Variants in ARHGAP17 observed in about 807,000 individuals in gnomAD.
ARHGAP17 encodes the protein rho GTPase-activating protein 17.
Under a neutral mutation model 99.5 loss-of-function variants are expected in ARHGAP17, and 57 were observed. That is an observed-to-expected ratio of 0.57 (90% CI 0.46 to 0.71). The LOEUF is 0.71. Among genes scored for constraint, ARHGAP17 ranks in the 30% least tolerant of loss-of-function variants. The probability of loss-of-function intolerance (pLI) is 0.00; values close to 1 mark genes in which losing one functional copy is unlikely to be tolerated. For missense variants in ARHGAP17, 1,000 were observed against 1,122.4 expected, an observed-to-expected ratio of 0.89 and a Z score of 1.56; for synonymous variants, 417 against 429.6, an observed-to-expected ratio of 0.97 and a Z score of 0.36.
At chr16:24,981,645 G>A (rs1030991600) in intron 1 of ARHGAP17, among the ~76,000 whole-genome samples, 1 of 152,204 alleles carries the variant, frequency 6.6e-6, no homozygotes, top group African/African-American at 2.4e-5. Context: ...AGAGTAGGGA[G>A]TGAACCCACC....
intron 1 of ARHGAP17, among the ~76,000 whole-genome samples, chr16:25,014,237 C>T (rs1396483649): frequency 1.3e-5 from 2 of 152,192 alleles, no homozygotes; most frequent in African/African-American, 4.8e-5. Context: ...AAAAGAAGAG[C>T]TGTGAGAAAT....
rs151009254 is a variant in ARHGAP17 at position 24,958,280 on chromosome 16, C to T, written c.724+1391G>A. Among the ~76,000 whole-genome samples, 9 of 152,246 alleles carry T rather than the reference C, an allele frequency of 5.9e-5. No individual in the cohort carries two copies. In the East Asian group the frequency reaches 7.7e-4, roughly 13 times the overall value. On this transcript the variant is annotated intron_variant, in intron 9 of 19. Coordinates refer to ENST00000289968, the MANE Select transcript of ARHGAP17 (RefSeq NM_001006634.3). The stretch of plus-strand genomic sequence containing the variant: ...AAATGCGAAAAAAAATCCAATCTCT[C>T]GTTTTTCCTCTTGTTAATCAACTCT...
intron 6 of ARHGAP17, among the ~76,000 whole-genome samples, chr16:24,966,933 A>G (rs1034158848): frequency 6.6e-6 from 1 of 152,230 alleles, no homozygotes; most frequent in Non-Finnish European, 1.5e-5. Context: ...GGAATGTTAC[A>G]CTAACCTCTA....
intron 12 of ARHGAP17, among the ~76,000 whole-genome samples, chr16:24,951,375 G>T (rs1382967350): frequency 6.6e-6 from 1 of 152,184 alleles, no homozygotes; most frequent in Non-Finnish European, 1.5e-5. Context: ...AAGATTACAG[G>T]AGGTAATAGC....
At chr16:24,943,126 G>A (rs529361872) in intron 15 of ARHGAP17, among the ~76,000 whole-genome samples, 112 of 152,316 alleles carry the variant, frequency 7.4e-4, no homozygotes, top group African/African-American at 2.6e-3. Flanking sequence ...CCCAAAGGGG[G>A]CCATGGGAAC....
Position 24,919,892 on chromosome 16 carries a change from G to T in ARHGAP17, c.*238C>A. The stretch of plus-strand genomic sequence containing the variant: ...GTACTTCTTTGTTTTGGATTTTTTT[G>T]GCATGATTTCCTTCCCATGTAAAGA... On this transcript the variant is annotated 3_prime_UTR_variant, in exon 20 of 20. Coordinates refer to ENST00000289968, the MANE Select transcript of ARHGAP17 (RefSeq NM_001006634.3). 3 of 426,192 alleles carry T rather than the reference G, an allele frequency of 7.0e-6. No homozygotes were observed. Among genetic ancestry groups the T allele is most frequent in the South Asian group, 5.0e-5 (1 of 20,086 alleles). 26.4% of individuals were successfully genotyped at this position (426,192 alleles called of 1,614,324 possible).
intron 1 of ARHGAP17, among the ~76,000 whole-genome samples, chr16:24,980,966 G>T (rs961550524): frequency 6.6e-6 from 1 of 152,154 alleles, no homozygotes; most frequent in Non-Finnish European, 1.5e-5. Context: ...GATTCAACCT[G>T]AGAATCAGAA....
intron 14 of ARHGAP17, among the ~76,000 whole-genome samples, chr16:24,944,322 C>T (rs116882435): frequency 1.3e-5 from 2 of 151,826 alleles, no homozygotes; most frequent in South Asian, 2.1e-4. Context: ...TGAATGTGGC[C>T]GTGATCACCC....
intron 1 of ARHGAP17, among the ~76,000 whole-genome samples, chr16:24,991,190 T>C (rs2053030488): frequency 6.6e-6 from 1 of 152,156 alleles, no homozygotes; most frequent in African/African-American, 2.4e-5. Context: ...TGCACCTTAC[T>C]AAGAAACATT....
At chr16:24,959,536 C>T in intron 9 of ARHGAP17, 135 bp downstream of exon 9, 2 of 777,098 alleles carry the variant, frequency 2.6e-6, no homozygotes, top group South Asian at 2.1e-5. Context: ...TGAAATTATG[C>T]TGGGAAACAG....
intron 19 of ARHGAP17, chr16:24,929,467 G>T: frequency 2.9e-6 from 1 of 343,750 alleles, no homozygotes; most frequent in Non-Finnish European, 4.1e-6. Flanking sequence ...GCTACAGAAT[G>T]GATGGCCTAT....
chr16:24,931,900 G>C (rs1327207160), intron 18 of ARHGAP17, among the ~76,000 whole-genome samples: 1 of 152,184 alleles, frequency 6.6e-6, no homozygotes, highest in African/African-American at 2.4e-5. Context: ...CGGATCACTT[G>C]AGTGCAGGAG....
chr16:24,971,309 G>C (rs1368519392), intron 3 of ARHGAP17, among the ~76,000 whole-genome samples: 1 of 149,848 alleles, frequency 6.7e-6, no homozygotes, highest in Non-Finnish European at 1.5e-5. Context: ...GCTTTTGCTA[G>C]AACACTCATT....
chr16:24,931,011 G>C lies in ARHGAP17; in HGVS notation c.2288C>G (p.Thr763Ser). The stretch of plus-strand genomic sequence containing the variant: ...GGGGTTCTGTTTTCCTAGGGGCGGA[G>C]TACTGGGGGGCGTTGGAGTCTGGGG... ...TPPQTPTPPS[T>S]PPLGKQNPSL... The change falls in exon 19 of 20, where the codon ACT (threonine) becomes AGT (serine). Residue 763 changes from threonine (T) to serine (S), a missense_variant. Around this residue, in one of 2 missense-constraint regions of ARHGAP17, gnomAD observed 528 missense variants for 511.4 expected, o/e 1.03. Transcript: ENST00000289968. 5 of 1,613,304 alleles carry C rather than the reference G, an allele frequency of 3.1e-6. No homozygotes were observed. The South Asian group carries it at 5.5e-5, about 18-fold the overall frequency.
chr16:24,920,438 A>C (rs2050691431), intron 19 of ARHGAP17, 178 bp from the exon 20 acceptor site: 1 of 669,608 alleles, frequency 1.5e-6, no homozygotes, highest in African/African-American at 1.8e-5. Flanking sequence ...GTGACCCCAG[A>C]GGGCAGCTGA....
intron 14 of ARHGAP17, among the ~76,000 whole-genome samples, chr16:24,945,038 G>A (rs190030907): frequency 1.3e-3 from 202 of 151,686 alleles, no homozygotes; most frequent in African/African-American, 4.7e-3. Context: ...GGCTCAAAAA[G>A]AAGAAAATAA....
intron 1 of ARHGAP17, among the ~76,000 whole-genome samples, chr16:25,001,900 G>A (rs573377460): frequency 1.3e-5 from 2 of 152,190 alleles, no homozygotes; most frequent in Admixed American, 1.3e-4. Context: ...TCTGACCAAA[G>A]CGAAACCCTG....
intron 19 of ARHGAP17, among the ~76,000 whole-genome samples, chr16:24,923,507 G>A (rs2050765958): frequency 6.6e-6 from 1 of 152,068 alleles, no homozygotes; most frequent in South Asian, 2.1e-4. Flanking sequence ...GGATGATGGT[G>A]TGAGCCCAGA....
Position 24,920,273 on chromosome 16 carries a change from A to G in ARHGAP17, c.2516-13T>C, listed in dbSNP as rs1378568997. 1 of 1,613,602 alleles carries G rather than the reference A, an allele frequency of 6.2e-7. No homozygotes were observed. The highest frequency in any genetic ancestry group is 8.5e-7 in the Non-Finnish European group (1 of 1,179,738). ...CTGGAATTGGAGTCTGGACAAAAAC[A>G]CGAGGAGACATGGTATCAATGAGGG... is the stretch of plus-strand genomic sequence containing the variant. On this transcript the variant is annotated splice_polypyrimidine_tract_variant and intron_variant, in intron 19 of 19. Coordinates refer to ENST00000289968, the MANE Select transcript of ARHGAP17 (RefSeq NM_001006634.3).
Sources: allele counts gnomAD v4.1 joint callset (sites outside exome capture counted in the v4.1 genomes callset), GRCh38; gene constraint gnomAD v4.1.1; regional missense constraint gnomAD v4.1.1; transcripts MANE v1.5; gene names NCBI Gene and HGNC (gene_info 2026-07-23, HGNC 2026-07-21).